The following CACHD1 variants were observed in gnomAD, a reference collection of about 807,000 sequenced individuals.
The protein encoded by CACHD1 is cache domain containing 1, also known as VWFA and cache domain-containing protein 1.
Under a neutral mutation model 138.7 loss-of-function variants are expected in CACHD1, and 71 were observed. The observed-to-expected ratio is 0.51, with a 90% CI of 0.42 to 0.62. The LOEUF (loss-of-function observed/expected upper bound fraction) is 0.62. CACHD1 is among the 20% of genes least tolerant of loss of function. The pLI, the probability that CACHD1 is intolerant of heterozygous loss-of-function variation, is 0.00. For missense variants in CACHD1, 1,389 were observed against 1,625.3 expected, an observed-to-expected ratio of 0.85 and a Z score of 2.50; for synonymous variants, 578 against 591.5, an observed-to-expected ratio of 0.98 and a Z score of 0.33.
intron 16 of CACHD1, among the ~76,000 whole-genome samples, chr1:64,671,091 T>G (rs1649797663): frequency 6.6e-6 from 1 of 152,212 alleles, no homozygotes. Flanking sequence ...TAGACATTGT[T>G]CCTCCTAAGT....
chr1:64,679,721 G>T lies in CACHD1; in HGVS notation c.3371G>T (p.Arg1124Leu), dbSNP rs201165996. 2 of 1,614,060 alleles carry T rather than the reference G, an allele frequency of 1.2e-6. No homozygotes were observed. The highest frequency in any genetic ancestry group is 2.2e-5 in the South Asian group (2 of 91,074). The change falls in exon 24 of 27, where the codon CGG becomes CTG. Residue 1124 changes from arginine to leucine, a missense_variant. Coordinates refer to ENST00000651257, the MANE Select transcript of CACHD1 (RefSeq NM_020925.4). ...VYAYRHQIHR[R>L]SHQHMSPLAA... ...GCCTACCGCCACCAGATTCATCGCC[G>T]GAGCCATCAGCATATGTCTCCTCTT...
At chr1:64,667,662 A>G (rs1238610557) in intron 16 of CACHD1, among the ~76,000 whole-genome samples, 1 of 152,110 alleles carries the variant, frequency 6.6e-6, no homozygotes, top group East Asian at 1.9e-4. Flanking sequence ...GTAAACAAAG[A>G]CTGTTTCTTT....
chr1:64,690,188 C>T (rs532969525), intron 26 of CACHD1, among the ~76,000 whole-genome samples: 4 of 152,216 alleles, frequency 2.6e-5, no homozygotes, highest in Admixed American at 6.5e-5. Context: ...ATTATAGGTA[C>T]GCAGTAAATA....
chr1:64,603,079 AG>A (rs1272937105), intron 4 of CACHD1, among the ~76,000 whole-genome samples, 167 bp downstream of exon 4: 2 of 151,482 alleles, frequency 1.3e-5, no homozygotes, highest in African/African-American at 2.4e-5. Context: ...GAGAGGAAGA[AG>A]AAAAAATCAA....
At chr1:64,588,747 G>A (rs1647073270) in intron 3 of CACHD1, among the ~76,000 whole-genome samples, 1 of 152,064 alleles carries the variant, frequency 6.6e-6, no homozygotes, top group Non-Finnish European at 1.5e-5. Context: ...TTCTTCTATA[G>A]ACGTTACTAC....
At chr1:64,656,169 T>C (rs1183016410) in intron 12 of CACHD1, among the ~76,000 whole-genome samples, 1 of 152,214 alleles carries the variant, frequency 6.6e-6, no homozygotes, top group Non-Finnish European at 1.5e-5. Flanking sequence ...GCAATAGCAA[T>C]TACTAAAATG....
At chr1:64,520,422 GA>G (rs1323717930) in intron 1 of CACHD1, among the ~76,000 whole-genome samples, 2 of 152,150 alleles carry the variant, frequency 1.3e-5, no homozygotes, top group Non-Finnish European at 2.9e-5. Context: ...ATGGATGGTG[GA>G]AATATTTGCA....
intron 1 of CACHD1, among the ~76,000 whole-genome samples, chr1:64,518,290 CTT>C (rs34268687): frequency 2.1e-4 from 31 of 149,130 alleles, no homozygotes; most frequent in Non-Finnish European, 2.4e-4. Flanking sequence ...AAATCAATGA[CTT>C]TTTTTTTTTT....
chr1:64,507,326 A>G (rs879507444), intron 1 of CACHD1, among the ~76,000 whole-genome samples: 9 of 152,164 alleles, frequency 5.9e-5, no homozygotes, highest in Non-Finnish European at 1.2e-4. Context: ...ACTATGTTAT[A>G]CATTCCTTGG....
intron 1 of CACHD1, among the ~76,000 whole-genome samples, chr1:64,503,182 T>C (rs1483501713): frequency 6.6e-6 from 1 of 152,146 alleles, no homozygotes; most frequent in East Asian, 1.9e-4. Context: ...GAGTAACTAA[T>C]TGGACTGGCT....
intron 15 of CACHD1, among the ~76,000 whole-genome samples, chr1:64,665,464 CAAAACAAA>C (rs756936565): frequency 3.3e-5 from 5 of 150,606 alleles, no homozygotes; most frequent in Non-Finnish European, 7.4e-5. Context: ...TGTCAAAAAA[CAAAACAAA>C]AAAACAAAAA....
intron 8 of CACHD1, among the ~76,000 whole-genome samples, chr1:64,646,722 A>G (rs1257015222): frequency 6.6e-6 from 1 of 152,138 alleles, no homozygotes; most frequent in Non-Finnish European, 1.5e-5. Flanking sequence ...ACAGAGGGAA[A>G]CTGTCTCAAA....
intron 1 of CACHD1, among the ~76,000 whole-genome samples, chr1:64,477,859 C>T (rs1480019665): frequency 6.6e-6 from 1 of 150,780 alleles, no homozygotes; most frequent in Non-Finnish European, 1.5e-5. Flanking sequence ...TGGTCTCGAT[C>T]TCCTGACCTC....
At chr1:64,508,460 T>A (rs17322946) in intron 1 of CACHD1, among the ~76,000 whole-genome samples, 14,356 of 152,200 alleles carry the variant, frequency 0.094, 874 homozygotes, top group Non-Finnish European at 0.13. Flanking sequence ...GAGCATATGA[T>A]CTTTTTTGTG....
At chr1:64,501,895 A>G (rs766214014) in intron 1 of CACHD1, among the ~76,000 whole-genome samples, 7 of 152,212 alleles carry the variant, frequency 4.6e-5, no homozygotes, top group Admixed American at 2.0e-4. Flanking sequence ...GCACCTATTA[A>G]ATAAACAGAG....
At chr1:64,610,829 C>T (rs1419599027) in intron 4 of CACHD1, among the ~76,000 whole-genome samples, 4 of 152,226 alleles carry the variant, frequency 2.6e-5, no homozygotes, top group African/African-American at 9.6e-5. Context: ...TGTGGGGGCT[C>T]CAACCCCACA....
chr1:64,592,920 G>A (rs1200219574), intron 3 of CACHD1, among the ~76,000 whole-genome samples: 1 of 152,194 alleles, frequency 6.6e-6, no homozygotes, highest in African/African-American at 2.4e-5. Flanking sequence ...GGGATGTACA[G>A]TATGTGGAAT....
At chr1:64,508,943 T>C (rs1646397922) in intron 1 of CACHD1, among the ~76,000 whole-genome samples, 1 of 152,156 alleles carries the variant, frequency 6.6e-6, no homozygotes, top group South Asian at 2.1e-4. Flanking sequence ...ACCCCCAGGG[T>C]TCTTCTCTTT....
At chr1:64,553,361 G>C (rs568131093) in intron 2 of CACHD1, among the ~76,000 whole-genome samples, 1 of 152,272 alleles carries the variant, frequency 6.6e-6, no homozygotes, top group African/African-American at 2.4e-5. Flanking sequence ...GTCCTGGACA[G>C]TACCCAGAAT....
Sources: gnomAD v4.1 joint callset for allele counts (sites outside exome capture counted in the v4.1 genomes callset) on GRCh38, gnomAD v4.1.1 for gene constraint, MANE v1.5 for transcripts, NCBI Gene and HGNC (gene_info 2026-07-23, HGNC 2026-07-21) for gene names.